Variants in SAG observed in about 807,000 individuals in gnomAD.
The protein encoded by SAG is S-arrestin.
Under a neutral mutation model 55.0 loss-of-function variants are expected in SAG, and 45 were observed. The ratio of observed to expected loss-of-function variants is 0.82; its 90% CI spans 0.64 to 1.05. The LOEUF is 1.05. Among genes scored for constraint, SAG ranks in the 50% least tolerant of loss-of-function variants. The pLI is 0.00. For synonymous variants in SAG, 189 were observed against 197.4 expected (o/e 0.96, Z 0.36); for missense variants, 455 against 512.1 (o/e 0.89, Z 1.08).
At chr2:233,337,342 G>C (rs1310632606) in intron 11 of SAG, among the ~76,000 whole-genome samples, 1 of 152,110 alleles carries the variant, frequency 6.6e-6, no homozygotes, top group African/African-American at 2.4e-5. Context: ...AAGTTCAAGG[G>C]ATTCTCCTGG....
At chr2:233,346,715 C>T (rs953924373) in intron 15 of SAG, 92 bp from the exon 16 acceptor site, 4 of 905,978 alleles carry the variant, frequency 4.4e-6, no homozygotes, top group Non-Finnish European at 7.1e-6. Flanking sequence ...AAACCTTGAT[C>T]AGTTCCTTCG....
chr2:233,338,509 C>T, intron 11 of SAG, 167 bp from the exon 12 acceptor site: 1 of 640,366 alleles, frequency 1.6e-6, no homozygotes, highest in Admixed American at 2.6e-5. Context: ...AGTCCCCATA[C>T]CCACTCCCCA....
At position 233,331,648 on chromosome 2, in the gene SAG, GT is replaced by G. The variant is rs760932391; in HGVS notation, c.743del (p.Val248GlyfsTer31). On this transcript the variant is annotated frameshift_variant, in exon 10 of 16. Transcript: ENST00000409110. LOFTEE classifies it high-confidence loss of function. ...CCGTCTTCCCCTTGCAGTGGAACAG[GT>G]GGCCAATGTGGTTCTCTACTCGAGT... Reference protein sequence around the residue: ...VKKIKAFVEQVANVVLYSSDY... With the variant: ...VKKIKAFVEQXANVVLYSSDY... The G allele has an allele frequency of 1.9e-6, 3 of 1,613,224 alleles. No homozygotes were observed. Among genetic ancestry groups the G allele is most frequent in the Non-Finnish European group, 2.5e-6 (3 of 1,179,270 alleles).
chr2:233,323,210 C>T (rs1700439676), intron 6 of SAG, among the ~76,000 whole-genome samples: 1 of 152,146 alleles, frequency 6.6e-6, no homozygotes, highest in Non-Finnish European at 1.5e-5. Flanking sequence ...AGGTGTGTGC[C>T]ACCATGCCCA....
chr2:233,320,992 C>T (rs565090155), intron 5 of SAG, among the ~76,000 whole-genome samples, 169 bp downstream of exon 5: 3 of 152,220 alleles, frequency 2.0e-5, no homozygotes, highest in African/African-American at 7.2e-5. Flanking sequence ...TTTTTTAAGT[C>T]CTTGAAAATA....
chr2:233,342,339 CT>C lies in SAG; in HGVS notation c.1102+19del. On this transcript the variant is annotated intron_variant, in intron 14 of 15. Transcript: ENST00000409110. ...CCTGAGGACCCAGGTCAGTTATGTC[CT>C]TTTTTAGCTTTCTTTAATTATTTGC... 5.7e-6 allele frequency: 9 copies of C among 1,587,916 alleles called. No individual in the cohort carries two copies. Among genetic ancestry groups the C allele is most frequent in the South Asian group, 1.1e-5 (1 of 87,990 alleles).
At chr2:233,341,651 T>C (rs1400852737) in intron 13 of SAG, among the ~76,000 whole-genome samples, 1 of 152,048 alleles carries the variant, frequency 6.6e-6, no homozygotes, top group Non-Finnish European at 1.5e-5. Context: ...GGCAAATCTA[T>C]AGAGATAGAG....
At chr2:233,310,556 C>CTGGAG (rs546359197) in intron 2 of SAG, among the ~76,000 whole-genome samples, 2,531 of 142,082 alleles carry the variant, frequency 0.018, 24 homozygotes, top group Non-Finnish European at 0.027. Flanking sequence ...GTCACCGAGG[C>CTGGAG]TGGAGTGCAG....
chr2:233,337,233 TA>T (rs1333001374), intron 11 of SAG, among the ~76,000 whole-genome samples: 1 of 116,086 alleles, frequency 8.6e-6, no homozygotes, highest in African/African-American at 3.7e-5. Context: ...TGTCCTCTTT[TA>T]AAAATTATTT....
At chr2:233,331,827 A>C in intron 10 of SAG, 115 bp downstream of exon 10, 1 of 768,622 alleles carries the variant, frequency 1.3e-6, no homozygotes, top group Non-Finnish European at 2.3e-6. Flanking sequence ...CCAGCCTTCC[A>C]CTTCCTTCCT....
At chr2:233,325,250 G>A (rs1366528061) in intron 6 of SAG, among the ~76,000 whole-genome samples, 1 of 151,658 alleles carries the variant, frequency 6.6e-6, no homozygotes, top group Non-Finnish European at 1.5e-5. Flanking sequence ...GTGCTACTTG[G>A]GAGGCTGAGG....
At chr2:233,309,948 C>T (rs1162317716) in intron 2 of SAG, among the ~76,000 whole-genome samples, 1 of 152,214 alleles carries the variant, frequency 6.6e-6, no homozygotes, top group Non-Finnish European at 1.5e-5. Context: ...TATTGTGTCA[C>T]CTGCCTGGGT....
intron 4 of SAG, 25 bp from the exon 5 acceptor site, chr2:233,320,605 G>T (rs372634278): frequency 6.5e-7 from 1 of 1,546,546 alleles, no homozygotes; most frequent in African/African-American, 1.4e-5. Context: ...GGCCAAGTCC[G>T]ACCCTGCCTT....
intron 11 of SAG, among the ~76,000 whole-genome samples, chr2:233,335,960 T>C (rs1468194873): frequency 6.6e-6 from 1 of 152,204 alleles, no homozygotes; most frequent in Admixed American, 6.5e-5. Flanking sequence ...CGATGCTCAG[T>C]AGCTCACACT....
chr2:233,318,831 G>C, intron 4 of SAG, 36 bp downstream of exon 4: 1 of 1,591,840 alleles, frequency 6.3e-7, no homozygotes, highest in Admixed American at 1.7e-5. Context: ...CTGGTTTCTG[G>C]GCGGAGTGGA....
intron 6 of SAG, among the ~76,000 whole-genome samples, chr2:233,326,152 G>A (rs912148191): frequency 6.6e-6 from 1 of 152,164 alleles, no homozygotes; most frequent in African/African-American, 2.4e-5. Context: ...TGCACTGGGG[G>A]CCAGGGGCTT....
intron 9 of SAG, among the ~76,000 whole-genome samples, chr2:233,330,950 G>A (rs948950010): frequency 6.6e-6 from 1 of 152,016 alleles, no homozygotes; most frequent in Non-Finnish European, 1.5e-5. Flanking sequence ...AGTGGTTCAC[G>A]CCTGTAATCC....
chr2:233,320,778 C>G lies in SAG; in HGVS notation c.330C>G (p.Ser110Arg). 6.2e-7 allele frequency: 1 copy of G among 1,605,872 alleles called. No individual in the cohort carries two copies. Among genetic ancestry groups the G allele is most frequent in the Non-Finnish European group, 8.5e-7 (1 of 1,176,314 alleles). ...AASTPTKLQE[S>R]LLKKLGSNTY... Reference sequence around the variant, plus strand: ...GCACCCCCACAAAACTGCAAGAGAGCCTGCTTAAAAAGCTGGGGAGCAACA... The same window carrying G: ...GCACCCCCACAAAACTGCAAGAGAGGCTGCTTAAAAAGCTGGGGAGCAACA... Residue 110 changes from serine (S) to arginine (R), a missense_variant, in exon 5 of 16, where the codon AGC becomes AGG. By Grantham distance (110) the Ser-to-Arg change is moderately radical. Coordinates refer to ENST00000409110, the MANE Select transcript of SAG (RefSeq NM_000541.5).
chr2:233,315,381 C>T (rs1309699050), intron 2 of SAG, among the ~76,000 whole-genome samples: 1 of 147,718 alleles, frequency 6.8e-6, no homozygotes, highest in African/African-American at 2.5e-5. Flanking sequence ...CAACCTCCAC[C>T]TCCTAGGCTC....
Sources: gnomAD v4.1 joint callset for allele counts (sites outside exome capture counted in the v4.1 genomes callset) on GRCh38, gnomAD v4.1.1 for gene constraint, MANE v1.5 for transcripts, NCBI Gene and HGNC (gene_info 2026-07-23, HGNC 2026-07-21) for gene names.